MGAT5: variants seen among roughly 807,000 people sequenced by gnomAD.
The protein encoded by MGAT5 is alpha-1,6-mannosylglycoprotein 6-beta-N-acetylglucosaminyltransferase, also known as alpha-1,6-mannosylglycoprotein 6-beta-N-acetylglucosaminyltransferase A.
A neutral mutation model predicts 94.3 loss-of-function variants in MGAT5; 30 were observed. That is an observed-to-expected ratio of 0.32 (90% confidence interval 0.24 to 0.43). MGAT5 has a LOEUF of 0.43. Ranked by LOEUF, MGAT5 falls within the 20% of genes least tolerant of loss-of-function variation. The pLI, the probability that MGAT5 is intolerant of heterozygous loss-of-function variation, is 1.00. For synonymous variants in MGAT5, 310 were observed against 322.9 expected, an observed-to-expected ratio of 0.96 and a Z score of 0.43; for missense variants, 691 against 905.5, an observed-to-expected ratio of 0.76 and a Z score of 3.04.
chr2:134,148,759 G>GTTTTTTT (rs748584511), intron 1 of MGAT5, among the ~76,000 whole-genome samples: 9 of 118,724 alleles, frequency 7.6e-5, no homozygotes, highest in East Asian at 2.5e-4. Flanking sequence ...TCTTTCTTAG[G>GTTTTTTT]TTTTTTTTTT....
At chr2:134,257,561 C>G (rs1180062147) in intron 1 of MGAT5, among the ~76,000 whole-genome samples, 2 of 152,160 alleles carry the variant, frequency 1.3e-5, no homozygotes, top group Non-Finnish European at 2.9e-5. Flanking sequence ...TAGTGTTCCC[C>G]CTGGTTTCCA....
At chr2:134,331,925 CAA>C (rs1311991553) in intron 4 of MGAT5, among the ~76,000 whole-genome samples, 9 of 151,836 alleles carry the variant, frequency 5.9e-5, no homozygotes, top group African/African-American at 2.2e-4. Flanking sequence ...AGGATACAAA[CAA>C]ATGGAAGAAC....
At chr2:134,264,809 AGCAAGTGAAGCT>A (rs1683591034) in intron 1 of MGAT5, among the ~76,000 whole-genome samples, 1 of 152,210 alleles carries the variant, frequency 6.6e-6, no homozygotes, top group African/African-American at 2.4e-5. Flanking sequence ...TCTCCAGAGC[AGCAAGTGAAGCT>A]GCTCTGTGGC....
intron 10 of MGAT5, among the ~76,000 whole-genome samples, chr2:134,387,333 T>TATATATATATATATATA (rs1491455775): frequency 7.2e-4 from 7 of 9,788 alleles, no homozygotes; most frequent in East Asian, 2.9e-3. Context: ...TATATATATA[T>TATATATATATATATATA]TTTTTTTTTT....
chr2:134,384,693 C>A (rs1481474173), intron 10 of MGAT5, among the ~76,000 whole-genome samples: 1 of 152,118 alleles, frequency 6.6e-6, no homozygotes, highest in African/African-American at 2.4e-5. Context: ...TCTGAAAAAT[C>A]TTGAAAACTA....
At chr2:134,199,385 C>T (rs1679659379) in intron 1 of MGAT5, among the ~76,000 whole-genome samples, 1 of 152,062 alleles carries the variant, frequency 6.6e-6, no homozygotes, top group African/African-American at 2.4e-5. Flanking sequence ...AGCTTTGGGA[C>T]CAGCTGTGGA....
At chr2:134,201,727 C>T (rs1453915531) in intron 1 of MGAT5, among the ~76,000 whole-genome samples, 2 of 151,544 alleles carry the variant, frequency 1.3e-5, no homozygotes, top group Non-Finnish European at 2.9e-5. Context: ...GAATGGTTGT[C>T]CAGGGTGGCC....
intron 1 of MGAT5, among the ~76,000 whole-genome samples, 178 bp from the exon 2 acceptor site, chr2:134,270,208 A>C (rs186931602): frequency 6.6e-6 from 1 of 152,384 alleles, no homozygotes; most frequent in East Asian, 1.9e-4. Context: ...TGATGTATTT[A>C]GTAGGATCTG....
intron 10 of MGAT5, among the ~76,000 whole-genome samples, chr2:134,399,738 G>C (rs1050347878): frequency 6.6e-6 from 1 of 152,162 alleles, no homozygotes; most frequent in African/African-American, 2.4e-5. Flanking sequence ...TTTCTAAGAA[G>C]TGATCTCGAT....
At chr2:134,198,942 T>C (rs1679633715) in intron 1 of MGAT5, among the ~76,000 whole-genome samples, 1 of 152,230 alleles carries the variant, frequency 6.6e-6, no homozygotes, top group Non-Finnish European at 1.5e-5. Flanking sequence ...GAATGAATGG[T>C]ATTTGTGTGT....
rs891416005 is a variant in MGAT5, at chr2:134,237,757, T to G, written c.-142-16505T>G. Among the ~76,000 whole-genome samples the G allele has an allele frequency of 2.9e-4, 37 of 127,926 alleles. 2 individuals are homozygous for G. The East Asian group carries it at 6.4e-3, about 22-fold the overall frequency. The allele number at this position is 127,926 out of a possible 152,430, so 83.9% of individuals were successfully genotyped here. The stretch of plus-strand genomic sequence containing the variant: ...TTGGAGTGCAGTTTTTGTTTTTGTT[T>G]TTTTTTTTTTTGAGATGGAGTCTTG... On this transcript the variant is annotated intron_variant, in intron 1 of 16. Transcript: ENST00000409645.
chr2:134,273,122 C>T (rs928260057), intron 2 of MGAT5, among the ~76,000 whole-genome samples: 29 of 150,788 alleles, frequency 1.9e-4, no homozygotes, highest in African/African-American at 7.1e-4. Flanking sequence ...CTTCATTTCC[C>T]CCAGAAGGTG....
intron 15 of MGAT5, among the ~76,000 whole-genome samples, chr2:134,446,071 A>T (rs1372708302): frequency 6.6e-6 from 1 of 152,098 alleles, no homozygotes; most frequent in Non-Finnish European, 1.5e-5. Flanking sequence ...CCACAGCCGA[A>T]TCCATCAGTT....
chr2:134,296,247 A>C (rs1164237271), intron 2 of MGAT5, among the ~76,000 whole-genome samples: 1 of 152,132 alleles, frequency 6.6e-6, no homozygotes, highest in Non-Finnish European at 1.5e-5. Context: ...AAAATAACAC[A>C]CAATTTTAAA....
intron 2 of MGAT5, among the ~76,000 whole-genome samples, chr2:134,287,802 A>G (rs1169544508): frequency 6.6e-6 from 1 of 152,204 alleles, no homozygotes; most frequent in African/African-American, 2.4e-5. Flanking sequence ...TATAACTGGA[A>G]GGCTCTAGTA....
At chr2:134,349,734 G>A (rs1314529573) in intron 8 of MGAT5, 71 bp from the exon 9 acceptor site, 2 of 1,560,926 alleles carry the variant, frequency 1.3e-6, no homozygotes, top group Non-Finnish European at 1.7e-6. Context: ...TTGAAGGAAG[G>A]GTTAGAGCTT....
intron 15 of MGAT5, among the ~76,000 whole-genome samples, chr2:134,448,044 A>G (rs907042832): frequency 8.5e-5 from 13 of 152,402 alleles, no homozygotes; most frequent in African/African-American, 2.6e-4. Flanking sequence ...CTAAGGCCAT[A>G]TAACAGGAAT....
chr2:134,387,865 C>G (rs1318299729), intron 10 of MGAT5, among the ~76,000 whole-genome samples: 1 of 152,158 alleles, frequency 6.6e-6, no homozygotes, highest in Non-Finnish European at 1.5e-5. Context: ...GAATTTGCCT[C>G]TCAACAGAAG....
chr2:134,362,730 G>T (rs554813650), intron 10 of MGAT5, among the ~76,000 whole-genome samples: 13 of 152,198 alleles, frequency 8.5e-5, no homozygotes, highest in Non-Finnish European at 1.3e-4. Flanking sequence ...TCTTTCTGGA[G>T]CAAGATACTG....
Sources: gnomAD v4.1 joint callset for allele counts (sites outside exome capture counted in the v4.1 genomes callset) on GRCh38, gnomAD v4.1.1 for gene constraint, MANE v1.5 for transcripts, NCBI Gene and HGNC (gene_info 2026-07-23, HGNC 2026-07-21) for gene names.